The following ANXA4 variants were observed in gnomAD, a reference collection of about 807,000 sequenced individuals.
The protein encoded by ANXA4 is annexin A4.
A neutral mutation model predicts 49.8 loss-of-function variants in ANXA4; 39 were observed. That is an observed-to-expected ratio of 0.78 (90% CI 0.61 to 1.02). The LOEUF is 1.02. ANXA4 is among the 50% of genes least tolerant of loss of function. ANXA4 has a pLI of 0.00. For synonymous variants in ANXA4, 134 were observed against 152.5 expected, an observed-to-expected ratio of 0.88 and a Z score of 0.89; for missense variants, 360 against 410.1, an observed-to-expected ratio of 0.88 and a Z score of 1.05.
At chr2:69,780,799 G>A (rs189637860) in intron 1 of ANXA4, among the ~76,000 whole-genome samples, 61 of 152,294 alleles carry the variant, frequency 4.0e-4, no homozygotes, top group African/African-American at 1.4e-3. Context: ...GGGAATAGGA[G>A]GTGGTGGGCT....
At chr2:69,689,519 CA>C (rs1026803959) in intron 2 of ANXA4, among the ~76,000 whole-genome samples, 7 of 151,894 alleles carry the variant, frequency 4.6e-5, no homozygotes, top group South Asian at 2.1e-4. Context: ...CTTTATTTCA[CA>C]AAAAAAATGC....
intron 2 of ANXA4, among the ~76,000 whole-genome samples, chr2:69,720,202 A>G (rs903867399): frequency 6.6e-6 from 1 of 152,182 alleles, no homozygotes; most frequent in African/African-American, 2.4e-5. Flanking sequence ...GGAGAGGGAA[A>G]CAAGCAATAC....
chr2:69,711,971 C>T (rs1368534633), intron 2 of ANXA4, among the ~76,000 whole-genome samples: 2 of 152,030 alleles, frequency 1.3e-5, no homozygotes, highest in Admixed American at 1.3e-4. Flanking sequence ...ATTGAGAAAA[C>T]AGTTTTTATA....
intron 2 of ANXA4, among the ~76,000 whole-genome samples, chr2:69,661,070 A>G (rs184115619): frequency 1.2e-4 from 19 of 152,076 alleles, no homozygotes; most frequent in African/African-American, 2.2e-4. Flanking sequence ...GAAAACAGCA[A>G]TTAGACAGAA....
intron 2 of ANXA4, among the ~76,000 whole-genome samples, chr2:69,704,726 A>G (rs1489383739): frequency 6.6e-6 from 1 of 152,180 alleles, no homozygotes; most frequent in Non-Finnish European, 1.5e-5. Context: ...CTAATGTCCC[A>G]TTGTTCTAAA....
intron 3 of ANXA4, among the ~76,000 whole-genome samples, chr2:69,790,329 T>G (rs1672629585): frequency 6.6e-6 from 1 of 152,030 alleles, no homozygotes; most frequent in Non-Finnish European, 1.5e-5. Flanking sequence ...TGGCGTTGTG[T>G]GGGGAACAGC....
upstream of ANXA4, chr2:69,644,059 G>A (rs1327508129): frequency 1.7e-5 from 4 of 232,122 alleles, no homozygotes; most frequent in East Asian, 6.3e-4. Flanking sequence ...GGGCGAGGCG[G>A]CAGCCGTGTG....
At chr2:69,753,507 A>G (rs1449029757) in intron 1 of ANXA4, among the ~76,000 whole-genome samples, 1 of 152,200 alleles carries the variant, frequency 6.6e-6, no homozygotes, top group Non-Finnish European at 1.5e-5. Context: ...ATGCTGTACA[A>G]TCGATATTAA....
chr2:69,825,393 G>C, intron 12 of ANXA4, 63 bp from the exon 13 acceptor site: 7 of 1,395,096 alleles, frequency 5.0e-6, no homozygotes, highest in Non-Finnish European at 6.9e-6. Context: ...TGGCTTAGAT[G>C]ACTTTGAACT....
chr2:69,683,121 T>C (rs1677655869), intron 2 of ANXA4, among the ~76,000 whole-genome samples: 1 of 152,198 alleles, frequency 6.6e-6, no homozygotes, highest in African/African-American at 2.4e-5. Context: ...TTAAATAATT[T>C]CCAAGAAGTA....
chr2:69,792,779 G>A (rs1672748096), intron 3 of ANXA4, among the ~76,000 whole-genome samples: 1 of 152,118 alleles, frequency 6.6e-6, no homozygotes, highest in South Asian at 2.1e-4. Context: ...ATGTTATAAT[G>A]GTAACTTTTA....
At position 69,663,293 on chromosome 2, in the gene ANXA4, C is replaced by CTTTTTTTT. The variant is rs55970370; in HGVS notation, n.766+10038_766+10045dup. ...ACAGGCGTGAGCCAATGCACCCGGC[C>CTTTTTTTT]TTTTTTTTTTTTTTTTTTTTTTTTT... is the stretch of plus-strand genomic sequence containing the variant. On this transcript the variant is annotated intron_variant and non_coding_transcript_variant, in intron 2 of 3. Transcript: ENST00000418066. Among the ~76,000 whole-genome samples, 38 of 42,838 alleles carry CTTTTTTTT rather than the reference C, an allele frequency of 8.9e-4. 4 individuals carry two copies. The highest frequency in any genetic ancestry group is 1.2e-3 in the Non-Finnish European group (28 of 24,306). The allele number at this position is 42,838 out of a possible 152,430, so 28.1% of individuals were successfully genotyped here. A position where few individuals can be genotyped will look rare whatever the true frequency, so the allele number is the denominator to read the frequency against.
intron 3 of ANXA4, among the ~76,000 whole-genome samples, chr2:69,789,262 C>T (rs1672562963): frequency 1.3e-5 from 2 of 152,078 alleles, no homozygotes; most frequent in South Asian, 2.1e-4. Context: ...CCAGAGAGGC[C>T]GAGTAACTCT....
intron 2 of ANXA4, among the ~76,000 whole-genome samples, chr2:69,669,921 A>G (rs1168751294): frequency 1.3e-5 from 2 of 152,132 alleles, no homozygotes; most frequent in Non-Finnish European, 2.9e-5. Context: ...TGCCCAGCAG[A>G]CTGCCCTTGA....
chr2:69,729,355 C>T (rs1670039720), intron 3 of ANXA4, among the ~76,000 whole-genome samples: 2 of 152,324 alleles, frequency 1.3e-5, no homozygotes, highest in African/African-American at 4.8e-5. Flanking sequence ...TGGTCTTATA[C>T]AACTTCCATT....
rs185831806 is a variant in ANXA4 at position 69,649,328 on chromosome 2, C to T, written n.482-3670C>T. On this transcript the variant is annotated intron_variant and non_coding_transcript_variant, in intron 1 of 3. Coordinates refer to the ANXA4 transcript ENST00000418066. ...AATCAGCTATAATTCTACCACTCAG[C>T]GATAATTGCTATTGACATTTTGATC... Among the ~76,000 whole-genome samples the T allele has an allele frequency of 2.2e-3, 330 of 152,124 alleles. 3 individuals are homozygous for T. The highest frequency in any genetic ancestry group is 7.1e-3 in the African/African-American group (295 of 41,492).
intron 2 of ANXA4, among the ~76,000 whole-genome samples, chr2:69,707,531 C>T (rs6726700): frequency 3.9e-5 from 6 of 152,026 alleles, no homozygotes; most frequent in Admixed American, 1.3e-4. Context: ...ATCTCATAAC[C>T]GTGGAACCCC....
intron 2 of ANXA4, among the ~76,000 whole-genome samples, chr2:69,664,328 A>G (rs1483509676): frequency 6.6e-6 from 1 of 152,202 alleles, no homozygotes; most frequent in East Asian, 1.9e-4. Context: ...ACATAAATCA[A>G]GAAAGCTTTT....
chr2:69,740,603 G>A (rs1670360011), upstream of ANXA4, among the ~76,000 whole-genome samples: 1 of 150,286 alleles, frequency 6.7e-6, no homozygotes, highest in African/African-American at 2.5e-5. Flanking sequence ...TACAGGCGTG[G>A]CTATGCACCC....
Sources: gnomAD v4.1 joint callset for allele counts (sites outside exome capture counted in the v4.1 genomes callset) on GRCh38, gnomAD v4.1.1 for gene constraint, MANE v1.5 for transcripts, NCBI Gene and HGNC (gene_info 2026-07-23, HGNC 2026-07-21) for gene names.